GALNT13: variants seen among roughly 807,000 people sequenced by gnomAD.
The protein encoded by GALNT13 is UDP-GalNAc:polypeptide N-acetylgalactosaminyltransferase 13.
GALNT13 carries 28 observed loss-of-function variants against 64.2 expected under a neutral mutation model. The ratio of observed to expected loss-of-function variants is 0.44; its 90% CI spans 0.32 to 0.60. GALNT13 has a LOEUF of 0.60. Ranked by LOEUF, GALNT13 falls within the 20% of genes least tolerant of loss-of-function variation. GALNT13 has a pLI of 0.05. For missense variants in GALNT13, 577 were observed against 669.8 expected (o/e 0.86, Z 1.53); for synonymous variants, 214 against 224.6 (o/e 0.95, Z 0.42).
chr2:154,070,584 C>T (rs1700688017), intron 3 of GALNT13, among the ~76,000 whole-genome samples: 1 of 152,032 alleles, frequency 6.6e-6, no homozygotes, highest in Admixed American at 6.6e-5. Context: ...ACTATCTTCT[C>T]CTCTTTTATA....
chr2:154,388,889 A>G (rs1698644023), intron 9 of GALNT13, among the ~76,000 whole-genome samples: 1 of 152,196 alleles, frequency 6.6e-6, no homozygotes, highest in African/African-American at 2.4e-5. Flanking sequence ...TTAATATGAC[A>G]TACATAACAA....
the GALNT13 span, among the ~76,000 whole-genome samples, chr2:153,714,862 C>T: frequency 6.6e-6 from 1 of 152,316 alleles, no homozygotes; most frequent in East Asian, 1.9e-4. Flanking sequence ...CCCTTACCTC[C>T]TTCTTTTCAT....
At chr2:154,089,204 A>G (rs1435604277) in intron 3 of GALNT13, among the ~76,000 whole-genome samples, 1 of 151,708 alleles carries the variant, frequency 6.6e-6, no homozygotes, top group Non-Finnish European at 1.5e-5. Flanking sequence ...TGGACTGCCT[A>G]CTCCATGGGC....
the GALNT13 span, among the ~76,000 whole-genome samples, chr2:153,571,802 T>G: frequency 6.6e-6 from 1 of 152,060 alleles, no homozygotes; most frequent in African/African-American, 2.4e-5. Context: ...AAATCCCATT[T>G]GGTCATGTTG....
the GALNT13 span, among the ~76,000 whole-genome samples, chr2:153,536,758 T>C: frequency 6.6e-6 from 1 of 152,206 alleles, no homozygotes; most frequent in African/African-American, 2.4e-5. Context: ...CACATAAACC[T>C]GTAAATCAGA....
the GALNT13 span, among the ~76,000 whole-genome samples, chr2:153,358,843 G>A: frequency 1.3e-5 from 2 of 151,788 alleles, no homozygotes; most frequent in Admixed American, 6.6e-5. Context: ...CCCTCCCTTT[G>A]TTTCTCACCA....
At chr2:153,674,157 C>T in the GALNT13 span, among the ~76,000 whole-genome samples, 1 of 152,112 alleles carries the variant, frequency 6.6e-6, no homozygotes, top group Admixed American at 6.6e-5. Context: ...ATGCTATCCC[C>T]AACAAACTAC....
At chr2:154,067,435 T>TA (rs369753785) in intron 3 of GALNT13, among the ~76,000 whole-genome samples, 5 of 151,728 alleles carry the variant, frequency 3.3e-5, no homozygotes, top group African/African-American at 7.2e-5. Context: ...AATAAACAGA[T>TA]AAAAAAATGA....
At chr2:153,883,947 A>T in intron 1 of GALNT13, among the ~76,000 whole-genome samples, 1 of 152,170 alleles carries the variant, frequency 6.6e-6, no homozygotes, top group African/African-American at 2.4e-5. Flanking sequence ...GATAGAACAA[A>T]ATGCAAATAT....
At chr2:154,347,258 T>C (rs1376294850) in intron 9 of GALNT13, among the ~76,000 whole-genome samples, 1 of 152,150 alleles carries the variant, frequency 6.6e-6, no homozygotes, top group Non-Finnish European at 1.5e-5. Context: ...TATTGCCCGT[T>C]TATTTGTCAG....
At chr2:153,570,688 C>T in the GALNT13 span, among the ~76,000 whole-genome samples, 17 of 151,962 alleles carry the variant, frequency 1.1e-4, no homozygotes, top group African/African-American at 3.9e-4. Flanking sequence ...TATCTAGTTT[C>T]CCCAGCACCA....
At chr2:153,319,539 A>C in the GALNT13 span, among the ~76,000 whole-genome samples, 1 of 152,118 alleles carries the variant, frequency 6.6e-6, no homozygotes, top group African/African-American at 2.4e-5. Flanking sequence ...TTAGCTTCTT[A>C]AAGTGTTGGA....
chr2:153,110,169 A>G, the GALNT13 span, among the ~76,000 whole-genome samples: 1 of 152,140 alleles, frequency 6.6e-6, no homozygotes. Context: ...CAGTAAACAA[A>G]TCTGGAATTT....
At chr2:154,331,850 T>A (rs1009533210) in intron 9 of GALNT13, among the ~76,000 whole-genome samples, 1 of 152,098 alleles carries the variant, frequency 6.6e-6, no homozygotes, top group Non-Finnish European at 1.5e-5. Flanking sequence ...TAGCCACTTC[T>A]TGCTACAGAA....
chr2:153,770,649 A>G, the GALNT13 span, among the ~76,000 whole-genome samples: 7 of 152,352 alleles, frequency 4.6e-5, no homozygotes, highest in Non-Finnish European at 7.3e-5. Context: ...GTATATACCC[A>G]TCTACATCAT....
the GALNT13 span, among the ~76,000 whole-genome samples, chr2:153,475,710 G>T: frequency 2.6e-5 from 4 of 152,212 alleles, no homozygotes; most frequent in Non-Finnish European, 1.5e-5. Context: ...CTACACTCTA[G>T]CTGATTTGTT....
the GALNT13 span, among the ~76,000 whole-genome samples, chr2:153,723,394 A>G: frequency 4.0e-5 from 6 of 150,564 alleles, no homozygotes; most frequent in African/African-American, 1.0e-4. Flanking sequence ...AAACGGGCAC[A>G]AGACAGGGAT....
At chr2:153,278,308 C>G in the GALNT13 span, among the ~76,000 whole-genome samples, 1 of 152,230 alleles carries the variant, frequency 6.6e-6, no homozygotes, top group African/African-American at 2.4e-5. Context: ...TGTAGGTTGT[C>G]TGTTTACTCT....
the GALNT13 span, among the ~76,000 whole-genome samples, chr2:153,517,741 T>TAGTAA: frequency 6.6e-6 from 1 of 152,154 alleles, no homozygotes; most frequent in Non-Finnish European, 1.5e-5. Flanking sequence ...GCAGACATCA[T>TAGTAA]AGTAACACAT....
Sources: allele counts gnomAD v4.1 joint callset (sites outside exome capture counted in the v4.1 genomes callset), GRCh38; gene constraint gnomAD v4.1.1; transcripts MANE v1.5; gene names NCBI Gene and HGNC (gene_info 2026-07-23, HGNC 2026-07-21).